TMEM161B: variants seen among roughly 807,000 people sequenced by gnomAD.
The protein encoded by TMEM161B is transmembrane protein 161B.
In TMEM161B, 34 loss-of-function variants were observed where a neutral mutation model predicts 61.8. That is an observed-to-expected ratio of 0.55 (90% confidence interval 0.42 to 0.73). TMEM161B has a LOEUF of 0.73. Among genes scored for constraint, TMEM161B ranks in the 30% least tolerant of loss-of-function variants. The probability of loss-of-function intolerance (pLI) is 0.00; values close to 1 mark genes in which losing one functional copy is unlikely to be tolerated. For synonymous variants in TMEM161B, 167 were observed against 192.8 expected (o/e 0.87, Z 1.11); for missense variants, 456 against 558.5 (o/e 0.82, Z 1.85).
downstream of TMEM161B, among the ~76,000 whole-genome samples, chr5:88,190,930 C>A (rs1229650701): frequency 3.9e-5 from 6 of 152,296 alleles, no homozygotes; most frequent in Admixed American, 1.3e-4. Flanking sequence ...ATTACATTCA[C>A]ACTTTCATGA....
intron 1 of TMEM161B, among the ~76,000 whole-genome samples, chr5:88,247,877 T>C (rs1021027767): frequency 2.6e-5 from 4 of 152,084 alleles, no homozygotes; most frequent in South Asian, 2.1e-4. Context: ...ACAAACTACA[T>C]GTGTGGGGCA....
At chr5:88,228,949 A>G (rs1013725436) in intron 2 of TMEM161B, among the ~76,000 whole-genome samples, 6 of 152,212 alleles carry the variant, frequency 3.9e-5, no homozygotes, top group African/African-American at 1.4e-4. Context: ...TCTCACATTT[A>G]CAGGTAGTCT....
At chr5:88,248,151 T>A (rs1481120250) in intron 1 of TMEM161B, among the ~76,000 whole-genome samples, 1 of 151,976 alleles carries the variant, frequency 6.6e-6, no homozygotes, top group African/African-American at 2.4e-5. Context: ...TTACACCAAA[T>A]CCTGGGTCCC....
At chr5:88,202,940 G>C (rs372904340) in intron 9 of TMEM161B, 22 bp downstream of exon 9, 11 of 1,447,994 alleles carry the variant, frequency 7.6e-6, no homozygotes, top group Non-Finnish European at 9.7e-6. Context: ...ATAAAAATCA[G>C]CCCTCAAATG....
rs1393239449 is a variant in TMEM161B at position 88,205,643 on chromosome 5, T to C, written c.800+171A>G. 7.5e-6 allele frequency: 5 copies of C among 667,204 alleles called. No homozygotes were observed. In the African/African-American group the frequency reaches 9.6e-5, roughly 13 times the overall value. The allele number at this position is 667,204 out of a possible 1,614,324, so 41.3% of individuals were successfully genotyped here. On this transcript the variant is annotated intron_variant, in intron 8 of 11. Coordinates refer to ENST00000296595, the MANE Select transcript of TMEM161B (RefSeq NM_153354.5). ...ATCTTTTTAAATACAAGACTTAAAA[T>C]TTAGAAGCAAATAAAAGAAACTTGC...
chr5:88,218,769 A>C (rs139642642), intron 5 of TMEM161B, among the ~76,000 whole-genome samples: 1,608 of 152,344 alleles, frequency 0.011, 18 homozygotes, highest in African/African-American at 0.037. Flanking sequence ...AGACAAAAAC[A>C]TAATTTTCGG....
chr5:88,229,227 A>T (rs1750570110), intron 2 of TMEM161B, among the ~76,000 whole-genome samples: 1 of 152,188 alleles, frequency 6.6e-6, no homozygotes, highest in Non-Finnish European at 1.5e-5. Context: ...TTGCCTAGTC[A>T]TCCCAACTAT....
chr5:88,239,062 C>G (rs1357924684), intron 2 of TMEM161B, among the ~76,000 whole-genome samples: 1 of 151,954 alleles, frequency 6.6e-6, no homozygotes, highest in Non-Finnish European at 1.5e-5. Flanking sequence ...TTTTTAAAGG[C>G]TGAGCTTACT....
At chr5:88,256,811 G>A (rs1248269419) in intron 1 of TMEM161B, among the ~76,000 whole-genome samples, 2 of 152,112 alleles carry the variant, frequency 1.3e-5, no homozygotes, top group African/African-American at 4.8e-5. Flanking sequence ...GTTCTTCATT[G>A]CATTCAGGTT....
downstream of TMEM161B, among the ~76,000 whole-genome samples, chr5:88,194,758 A>C (rs1749350639): frequency 6.6e-6 from 1 of 152,126 alleles, no homozygotes; most frequent in African/African-American, 2.4e-5. Context: ...AGAGTTTCAA[A>C]CTTGCTTTCA....
intron 1 of TMEM161B, among the ~76,000 whole-genome samples, chr5:88,253,488 A>G (rs1259580852): frequency 2.0e-5 from 3 of 152,198 alleles, no homozygotes; most frequent in Admixed American, 1.3e-4. Flanking sequence ...AAAGGAAGAG[A>G]AGGTCAGGCA....
rs767637912 is a variant in TMEM161B, at chr5:88,225,781, C to T, written c.277G>A (p.Val93Met). ...LHLETKSVTEVDTLALHYFPE... is the reference protein window; with the variant it reads ...LHLETKSVTEMDTLALHYFPE... ...AGATTTCCCTTACCTAAAGTATCCA[C>T]TTCTGTAACTGACTTTGTTTCTAGA... Residue 93 changes from valine to methionine, a missense_variant, in exon 4 of 12, where the codon GTG becomes ATG. Coordinates refer to ENST00000296595, the MANE Select transcript of TMEM161B (RefSeq NM_153354.5). The T allele has an allele frequency of 2.5e-6, 4 of 1,606,706 alleles. No individual in the cohort carries two copies. The highest frequency in any genetic ancestry group is 3.4e-6 in the Non-Finnish European group (4 of 1,175,154).
intron 5 of TMEM161B, 97 bp from the exon 6 acceptor site, chr5:88,207,277 A>G: frequency 9.9e-7 from 1 of 1,008,760 alleles, no homozygotes; most frequent in Non-Finnish European, 1.4e-6. Context: ...TTTGACTACA[A>G]CATTTATTTC....
intron 1 of TMEM161B, among the ~76,000 whole-genome samples, chr5:88,243,562 T>A (rs1442753832): frequency 1.3e-5 from 2 of 151,942 alleles, no homozygotes; most frequent in African/African-American, 4.8e-5. Flanking sequence ...AACATACACA[T>A]GCATGTGTGT....
chr5:88,236,539 G>A (rs777985780), intron 2 of TMEM161B, among the ~76,000 whole-genome samples: 20 of 152,138 alleles, frequency 1.3e-4, no homozygotes, highest in African/African-American at 3.6e-4. Flanking sequence ...TGATAAGAAC[G>A]TCTTTAACTG....
At chr5:88,239,378 G>A (rs1752376094) in intron 2 of TMEM161B, among the ~76,000 whole-genome samples, 1 of 151,962 alleles carries the variant, frequency 6.6e-6, no homozygotes, top group African/African-American at 2.4e-5. Flanking sequence ...CTTAATGTAT[G>A]TTACTTAGTT....
At chr5:88,206,811 C>A (rs910680371) in intron 6 of TMEM161B, among the ~76,000 whole-genome samples, 4 of 151,726 alleles carry the variant, frequency 2.6e-5, no homozygotes, top group African/African-American at 9.7e-5. Flanking sequence ...AAAAACGAGA[C>A]AGTATTTTTG....
chr5:88,224,968 T>TG (rs1222968145), intron 4 of TMEM161B, among the ~76,000 whole-genome samples: 1 of 141,048 alleles, frequency 7.1e-6, no homozygotes, highest in Non-Finnish European at 1.5e-5. Flanking sequence ...TGTTTTTGTT[T>TG]TTTTTTTTTT....
At chr5:88,211,504 A>C (rs1746755824) in intron 5 of TMEM161B, among the ~76,000 whole-genome samples, 1 of 152,074 alleles carries the variant, frequency 6.6e-6, no homozygotes, top group Non-Finnish European at 1.5e-5. Context: ...TCACACCTGT[A>C]ATCCCAGCAC....
Sources: gnomAD v4.1 joint callset for allele counts (sites outside exome capture counted in the v4.1 genomes callset) on GRCh38, gnomAD v4.1.1 for gene constraint, MANE v1.5 for transcripts, NCBI Gene and HGNC (gene_info 2026-07-23, HGNC 2026-07-21) for gene names.